Variants in MACROD2 observed in about 807,000 individuals in gnomAD.
The protein encoded by MACROD2 is mono-ADP ribosylhydrolase 2, also known as ADP-ribose glycohydrolase MACROD2.
MACROD2 carries 36 observed loss-of-function variants against 70.4 expected under a neutral mutation model. That is an observed-to-expected ratio of 0.51 (90% CI 0.39 to 0.68). The LOEUF (loss-of-function observed/expected upper bound fraction) is 0.68. Among genes scored for constraint, MACROD2 ranks in the 30% least tolerant of loss-of-function variants. MACROD2 has a pLI of 0.00. For synonymous variants in MACROD2, 172 were observed against 178.8 expected, an observed-to-expected ratio of 0.96 and a Z score of 0.30; for missense variants, 496 against 538.4, an observed-to-expected ratio of 0.92 and a Z score of 0.78.
chr20:14,673,627 T>A (rs2123565917), intron 4 of MACROD2, among the ~76,000 whole-genome samples: 1 of 152,064 alleles, frequency 6.6e-6, no homozygotes, highest in Non-Finnish European at 1.5e-5. Context: ...AACTATAAAA[T>A]GGAAAAGGTG....
intron 6 of MACROD2, among the ~76,000 whole-genome samples, chr20:15,336,382 A>AG (rs1310505605): frequency 7.8e-6 from 1 of 128,638 alleles, no homozygotes. Context: ...ACCAAAAAAA[A>AG]AAAAGAAAAA....
chr20:15,446,940 T>C (rs1261912772), intron 7 of MACROD2, among the ~76,000 whole-genome samples: 1 of 152,112 alleles, frequency 6.6e-6, no homozygotes, highest in East Asian at 1.9e-4. Flanking sequence ...GATAAAACAG[T>C]GATATGCATC....
chr20:15,310,199 C>G (rs935401074), intron 6 of MACROD2, among the ~76,000 whole-genome samples: 6 of 152,122 alleles, frequency 3.9e-5, no homozygotes, highest in Non-Finnish European at 8.8e-5. Flanking sequence ...GAAAGAGTAA[C>G]TTTTTAAATT....
At chr20:14,196,992 A>G (rs1403173552) in intron 3 of MACROD2, among the ~76,000 whole-genome samples, 1 of 152,244 alleles carries the variant, frequency 6.6e-6, no homozygotes, top group Non-Finnish European at 1.5e-5. Flanking sequence ...CAGGCAAAAT[A>G]GTACATGCTG....
intron 6 of MACROD2, among the ~76,000 whole-genome samples, chr20:15,376,219 A>G (rs1424057857): frequency 1.3e-5 from 2 of 152,236 alleles, no homozygotes; most frequent in Non-Finnish European, 2.9e-5. Flanking sequence ...AATAGAAGAT[A>G]GAGTTACGGA....
chr20:15,202,422 TTC>T (rs536833455), intron 5 of MACROD2, among the ~76,000 whole-genome samples: 71 of 152,326 alleles, frequency 4.7e-4, no homozygotes, highest in African/African-American at 1.5e-3. Context: ...CTTCGTGTAT[TTC>T]TTTCTTTAGC....
chr20:15,823,606 G>A (rs1203039646), intron 8 of MACROD2, among the ~76,000 whole-genome samples: 2 of 152,152 alleles, frequency 1.3e-5, no homozygotes, highest in Non-Finnish European at 2.9e-5. Flanking sequence ...CACGGCGTTC[G>A]TAAGTTTCCA....
intron 3 of MACROD2, among the ~76,000 whole-genome samples, chr20:14,418,556 A>G (rs187070425): frequency 5.8e-4 from 89 of 152,388 alleles, no homozygotes; most frequent in Non-Finnish European, 1.0e-4. Context: ...GTTAATAAGT[A>G]CAACATTGTT....
chr20:14,387,561 C>T (rs1235376175), intron 3 of MACROD2, among the ~76,000 whole-genome samples: 1 of 152,188 alleles, frequency 6.6e-6, no homozygotes, highest in African/African-American at 2.4e-5. Context: ...AATGGCCAGC[C>T]TCTGTGCTTC....
rs972140653 is a variant in MACROD2 at position 14,229,632 on chromosome 20, T to C, written c.271+143904T>C. ...TGGGAATGCAAAATGGTACAGCTGC[T>C]TTGGAAGACAGGTTGGTAGGTTCTT... On this transcript the variant is annotated intron_variant, in intron 3 of 17. Coordinates refer to ENST00000684519, the MANE Select transcript of MACROD2 (RefSeq NM_001351661.2). 2.6e-5 allele frequency among the ~76,000 whole-genome samples: 4 copies of C among 152,360 alleles called. No homozygotes were observed. The East Asian group carries it at 5.8e-4, about 22-fold the overall frequency.
intron 5 of MACROD2, among the ~76,000 whole-genome samples, chr20:15,137,662 A>C (rs2076160202): frequency 6.6e-6 from 1 of 151,778 alleles, no homozygotes. Flanking sequence ...ATACATATGT[A>C]ACTAACCTGC....
chr20:14,038,240 G>C (rs1438230845), intron 2 of MACROD2, among the ~76,000 whole-genome samples: 1 of 151,634 alleles, frequency 6.6e-6, no homozygotes, highest in Admixed American at 6.6e-5. Flanking sequence ...GTTGCAGTGA[G>C]CCGAGATCGT....
Position 14,293,456 on chromosome 20 carries a change from C to G in MACROD2, c.272-200023C>G, listed in dbSNP as rs536547742. Among the ~76,000 whole-genome samples, 3 of 151,862 alleles carry G rather than the reference C, an allele frequency of 2.0e-5. No individual in the cohort carries two copies. In the East Asian group the frequency reaches 5.8e-4, roughly 29 times the overall value. On this transcript the variant is annotated intron_variant, in intron 3 of 17. Transcript: ENST00000684519. ...AAGCCTCTTTAAAGAGATGACAGTT[C>G]AGGTGAGACCTTAATGACGAGAAGG...
chr20:15,814,879 A>G (rs907030855), intron 8 of MACROD2, among the ~76,000 whole-genome samples: 2 of 152,238 alleles, frequency 1.3e-5, no homozygotes, highest in Admixed American at 1.3e-4. Context: ...TGCTTACTAA[A>G]TGTTTTATCA....
At chr20:14,726,891 TA>T (rs2071536741) in intron 5 of MACROD2, among the ~76,000 whole-genome samples, 1 of 152,196 alleles carries the variant, frequency 6.6e-6, no homozygotes, top group Admixed American at 6.5e-5. Flanking sequence ...ATGTGTTTAC[TA>T]CTTTTTCCAT....
At chr20:15,975,273 T>C (rs1467768808) in intron 13 of MACROD2, among the ~76,000 whole-genome samples, 1 of 152,086 alleles carries the variant, frequency 6.6e-6, no homozygotes, top group Non-Finnish European at 1.5e-5. Context: ...CCAAACACGC[T>C]CGCATAATAT....
At chr20:16,007,722 G>A (rs575560081) in intron 15 of MACROD2, among the ~76,000 whole-genome samples, 2 of 152,232 alleles carry the variant, frequency 1.3e-5, no homozygotes, top group East Asian at 3.9e-4. Context: ...TTCAGTAGGT[G>A]GAGCAAGGCC....
chr20:14,485,681 A>G (rs369942458), intron 3 of MACROD2, among the ~76,000 whole-genome samples: 265 of 95,078 alleles, frequency 2.8e-3, no homozygotes, highest in Admixed American at 6.4e-3. Flanking sequence ...CAGCCTGGGC[A>G]ACAGAGCAAG....
At chr20:15,985,587 C>T (rs1038669156) in intron 13 of MACROD2, among the ~76,000 whole-genome samples, 4 of 152,192 alleles carry the variant, frequency 2.6e-5, no homozygotes, top group African/African-American at 7.2e-5. Flanking sequence ...GCCTGCTATG[C>T]GCTGCTCTGG....
Sources: gnomAD v4.1 joint callset for allele counts (sites outside exome capture counted in the v4.1 genomes callset) on GRCh38, gnomAD v4.1.1 for gene constraint, MANE v1.5 for transcripts, NCBI Gene and HGNC (gene_info 2026-07-23, HGNC 2026-07-21) for gene names.